Variants in MYO16 observed in about 807,000 individuals in gnomAD.
MYO16 encodes the protein myosin XVI, also known as unconventional myosin-XVI.
Under a neutral mutation model 205.3 loss-of-function variants are expected in MYO16, and 94 were observed. The ratio of observed to expected loss-of-function variants is 0.46; its 90% confidence interval spans 0.39 to 0.54. The LOEUF (loss-of-function observed/expected upper bound fraction) is 0.54, where lower values mean the gene tolerates loss of function less well. Among genes scored for constraint, MYO16 ranks in the 20% least tolerant of loss-of-function variants. The pLI is 0.00. For synonymous variants in MYO16, 988 were observed against 954.0 expected, an observed-to-expected ratio of 1.04 and a Z score of -0.66; for missense variants, 2,315 against 2,387.5, an observed-to-expected ratio of 0.97 and a Z score of 0.63.
At chr13:108,790,007 G>A (rs1886569024) in intron 5 of MYO16, among the ~76,000 whole-genome samples, 1 of 152,058 alleles carries the variant, frequency 6.6e-6, no homozygotes, top group African/African-American at 2.4e-5. Flanking sequence ...GAAGGTGAGG[G>A]GCTGGGTTAC....
At chr13:108,597,933 A>G (rs1878620557) in intron 1 of MYO16, among the ~76,000 whole-genome samples, 1 of 152,206 alleles carries the variant, frequency 6.6e-6, no homozygotes, top group African/African-American at 2.4e-5. Flanking sequence ...GAAAAAGATA[A>G]CTTTTCCTAC....
At chr13:108,786,202 C>A (rs1886452852) in intron 5 of MYO16, among the ~76,000 whole-genome samples, 1 of 152,182 alleles carries the variant, frequency 6.6e-6, no homozygotes, top group African/African-American at 2.4e-5. Flanking sequence ...CAAATCGACC[C>A]TTTGTGACAC....
At chr13:108,851,989 AT>A (rs1877897902) in intron 10 of MYO16, among the ~76,000 whole-genome samples, 1 of 151,796 alleles carries the variant, frequency 6.6e-6, no homozygotes. Flanking sequence ...CCACACACCC[AT>A]CTCCTCCCGA....
intron 23 of MYO16, among the ~76,000 whole-genome samples, chr13:109,030,785 C>A (rs899905966): frequency 1.3e-5 from 2 of 152,018 alleles, no homozygotes; most frequent in Admixed American, 6.6e-5. Context: ...ACTCCCTACC[C>A]ATCTCCCACT....
At chr13:108,652,478 G>T (rs771409649) in intron 1 of MYO16, among the ~76,000 whole-genome samples, 1 of 152,128 alleles carries the variant, frequency 6.6e-6, no homozygotes, top group Non-Finnish European at 1.5e-5. Context: ...GGAATGTTAA[G>T]TATATTCTCA....
chr13:108,583,307 A>G, the MYO16 span, among the ~76,000 whole-genome samples: 1 of 152,246 alleles, frequency 6.6e-6, no homozygotes, highest in South Asian at 2.1e-4. Flanking sequence ...TGGAGATGGA[A>G]TAAAGACTCA....
chr13:109,036,557 T>C (rs1886723607), intron 23 of MYO16, among the ~76,000 whole-genome samples: 1 of 152,168 alleles, frequency 6.6e-6, no homozygotes, highest in South Asian at 2.1e-4. Flanking sequence ...TCATTTGGCA[T>C]CCACACTGGA....
At chr13:108,835,317 C>T (rs764793547) in intron 9 of MYO16, among the ~76,000 whole-genome samples, 50 of 152,192 alleles carry the variant, frequency 3.3e-4, no homozygotes, top group Non-Finnish European at 4.3e-4. Flanking sequence ...TGCTGGCACT[C>T]ATTCTCTCTC....
intron 2 of MYO16, among the ~76,000 whole-genome samples, chr13:108,686,710 A>G (rs1003412611): frequency 6.6e-6 from 1 of 152,252 alleles, no homozygotes; most frequent in Non-Finnish European, 1.5e-5. Flanking sequence ...GGAAGTTCTA[A>G]CTTCCTGAAA....
At chr13:109,034,614 C>A (rs927520651) in intron 23 of MYO16, among the ~76,000 whole-genome samples, 1 of 152,138 alleles carries the variant, frequency 6.6e-6, no homozygotes, top group East Asian at 1.9e-4. Context: ...TGAAAACAGA[C>A]GAATACAACA....
chr13:108,661,266 G>A (rs1229681202), intron 1 of MYO16, among the ~76,000 whole-genome samples: 1 of 152,084 alleles, frequency 6.6e-6, no homozygotes, highest in Non-Finnish European at 1.5e-5. Context: ...GTGCCTAGGT[G>A]ATCTTTTTTG....
At chr13:108,749,463 A>G (rs2139631557) in intron 4 of MYO16, among the ~76,000 whole-genome samples, 1 of 152,358 alleles carries the variant, frequency 6.6e-6, no homozygotes, top group East Asian at 1.9e-4. Context: ...AAAAGATCTT[A>G]ACAGACACCT....
intron 27 of MYO16, among the ~76,000 whole-genome samples, chr13:109,083,102 A>G (rs9559489): frequency 0.57 from 86,082 of 151,822 alleles, 24,569 homozygotes; most frequent in Middle Eastern, 0.61. Context: ...GGTTCTGCAG[A>G]TCGGGCGAGG....
At chr13:108,502,927 G>T in the MYO16 span, among the ~76,000 whole-genome samples, 1 of 152,026 alleles carries the variant, frequency 6.6e-6, no homozygotes, top group East Asian at 1.9e-4. Context: ...AATGAAATTC[G>T]GCCTAAGAAA....
intron 3 of MYO16, among the ~76,000 whole-genome samples, chr13:108,714,727 CTTTA>C (rs1418715566): frequency 6.6e-6 from 1 of 152,022 alleles, no homozygotes; most frequent in Non-Finnish European, 1.5e-5. Flanking sequence ...TTGACTTTTA[CTTTA>C]TTTTTGTCCC....
chr13:108,572,231 C>T, the MYO16 span, among the ~76,000 whole-genome samples: 2 of 152,070 alleles, frequency 1.3e-5, no homozygotes, highest in Non-Finnish European at 2.9e-5. Context: ...CTGGCCCCCT[C>T]CATTTATTTT....
At chr13:109,078,607 T>C (rs1289074210) in intron 27 of MYO16, among the ~76,000 whole-genome samples, 1 of 152,172 alleles carries the variant, frequency 6.6e-6, no homozygotes, top group Non-Finnish European at 1.5e-5. Context: ...TTTTGAATAG[T>C]ACCAGAGTTT....
chr13:108,602,115 A>C (rs928106804), intron 1 of MYO16, among the ~76,000 whole-genome samples: 7 of 151,674 alleles, frequency 4.6e-5, no homozygotes, highest in African/African-American at 1.7e-4. Context: ...AAAAAAAAAA[A>C]AAAAAAACAG....
chr13:109,029,985 A>T (rs1312575378), intron 23 of MYO16, among the ~76,000 whole-genome samples: 1 of 152,158 alleles, frequency 6.6e-6, no homozygotes, highest in African/African-American at 2.4e-5. Context: ...GCTAGTTGGT[A>T]TATTTTTTCA....
Sources: gnomAD v4.1 joint callset for allele counts (sites outside exome capture counted in the v4.1 genomes callset) on GRCh38, gnomAD v4.1.1 for gene constraint, MANE v1.5 for transcripts, NCBI Gene and HGNC (gene_info 2026-07-23, HGNC 2026-07-21) for gene names.